PARPBP: variants seen among roughly 807,000 people sequenced by gnomAD.
The protein encoded by PARPBP is PARP1 binding protein.
A neutral mutation model predicts 50.0 loss-of-function variants in PARPBP; 52 were observed. That is an observed-to-expected ratio of 1.04 (90% CI 0.83 to 1.31). The LOEUF is 1.31. PARPBP is among the 50% of genes most tolerant of loss of function. The probability of loss-of-function intolerance (pLI) is 0.00; values close to 1 mark genes in which losing one functional copy is unlikely to be tolerated. For synonymous variants in PARPBP, 244 were observed against 232.1 expected, an observed-to-expected ratio of 1.05 and a Z score of -0.47; for missense variants, 697 against 672.0, an observed-to-expected ratio of 1.04 and a Z score of -0.41.
intron 9 of PARPBP, among the ~76,000 whole-genome samples, chr12:102,191,767 C>T (rs1359498294): frequency 6.6e-6 from 1 of 152,064 alleles, no homozygotes; most frequent in African/African-American, 2.4e-5. Context: ...AGAAATATTT[C>T]CAAAGGGAGG....
rs1007553757 is a variant in PARPBP at position 102,147,249 on chromosome 12, G to A, written c.154-981G>A. Among the ~76,000 whole-genome samples the A allele has an allele frequency of 7.9e-5, 12 of 152,228 alleles. No homozygotes were observed. In the East Asian group the frequency reaches 1.9e-3, roughly 25 times the overall value. ...CCAAGGGACTATAAATCATGCTGCTGTAAAGACACATGCACACATATGTTT... is the reference window on the plus strand; with the variant it reads ...CCAAGGGACTATAAATCATGCTGCTATAAAGACACATGCACACATATGTTT... On this transcript the variant is annotated intron_variant, in intron 2 of 10. Coordinates refer to ENST00000327680, the MANE Select transcript of PARPBP (RefSeq NM_017915.5).
intron 6 of PARPBP, among the ~76,000 whole-genome samples, chr12:102,172,686 T>G (rs962148191): frequency 6.6e-6 from 1 of 152,218 alleles, no homozygotes; most frequent in Admixed American, 6.5e-5. Flanking sequence ...TCTTTAAAAT[T>G]TAACATTTTT....
chr12:102,179,019 G>A (rs563777884), intron 8 of PARPBP, among the ~76,000 whole-genome samples: 1 of 152,176 alleles, frequency 6.6e-6, no homozygotes, highest in East Asian at 1.9e-4. Context: ...GTTTTGCTTT[G>A]AAAATATTTA....
intron 2 of PARPBP, among the ~76,000 whole-genome samples, chr12:102,133,729 C>A (rs1883200213): frequency 6.6e-6 from 1 of 151,938 alleles, no homozygotes; most frequent in African/African-American, 2.4e-5. Context: ...CAAGATAGAT[C>A]ATATGTTAGC....
At position 102,153,898 on chromosome 12, in the gene PARPBP, A is replaced by G. The variant is rs749293625; in HGVS notation, c.417A>G (p.Lys139=). 1.2e-6 allele frequency: 2 copies of G among 1,609,310 alleles called. No individual in the cohort carries two copies. Among genetic ancestry groups the G allele is most frequent in the East Asian group, 2.2e-5 (1 of 44,812 alleles). ...PSQLLDFLSG[K]QYAVGDETDL... is the part of the protein sequence containing the mutation. ...AACTACTGGATTTTCTGTCTGGCAAACAGTATGCAGTAGGTGATGAAACTG... is the reference window on the plus strand; with the variant it reads ...AACTACTGGATTTTCTGTCTGGCAAGCAGTATGCAGTAGGTGATGAAACTG... The change falls in exon 4 of 11, where the codon AAA becomes AAG. Residue 139 remains lysine, a synonymous_variant. Transcript: ENST00000327680.
At chr12:102,155,598 G>GC (rs998755573) in intron 4 of PARPBP, among the ~76,000 whole-genome samples, 10 of 125,354 alleles carry the variant, frequency 8.0e-5, no homozygotes, top group Non-Finnish European at 3.3e-5. Flanking sequence ...GCATGGTGGG[G>GC]GGGGGGGGCG....
At chr12:102,132,189 C>T (rs866231728) in intron 2 of PARPBP, among the ~76,000 whole-genome samples, 19 of 149,056 alleles carry the variant, frequency 1.3e-4, no homozygotes, top group Non-Finnish European at 2.2e-4. Flanking sequence ...TGGGGGATAG[C>T]GACAGAGCGA....
intron 2 of PARPBP, among the ~76,000 whole-genome samples, chr12:102,138,187 A>G (rs1015650722): frequency 1.1e-4 from 17 of 152,154 alleles, no homozygotes; most frequent in African/African-American, 4.1e-4. Context: ...ACTTTTTAAT[A>G]ATGGCCATTC....
rs1366316630 is a variant in PARPBP, at chr12:102,151,959, G to A, written c.388-1910G>A. On this transcript the variant is annotated intron_variant, in intron 3 of 10. Coordinates refer to ENST00000327680, the MANE Select transcript of PARPBP (RefSeq NM_017915.5). ...CGAAGTCCAGGCATCTCAGAGAAATGCTTTTTTTGTGTACCATGGTTACCA... is the reference window on the plus strand; with the variant it reads ...CGAAGTCCAGGCATCTCAGAGAAATACTTTTTTTGTGTACCATGGTTACCA... 4 of 602,854 alleles carry A rather than the reference G, an allele frequency of 6.6e-6. No individual in the cohort carries two copies. The Admixed American group carries it at 1.2e-4, about 18-fold the overall frequency. 37.3% of individuals were successfully genotyped at this position (602,854 alleles called of 1,614,324 possible).
At position 102,175,646 on chromosome 12, in the gene PARPBP, A is replaced by G. The variant is rs1889194879; in HGVS notation, c.985A>G (p.Thr329Ala). ...SQEGVVALSTTDISPARPKSH... is the reference protein window; with the variant it reads ...SQEGVVALSTADISPARPKSH... ...AGAAGGTGTTGTAGCTCTTAGCACCACTGACATCAGTCCTGCTCGGGTAAT... is the reference window on the plus strand; with the variant it reads ...AGAAGGTGTTGTAGCTCTTAGCACCGCTGACATCAGTCCTGCTCGGGTAAT... The change falls in exon 7 of 11, where the codon ACT (threonine) becomes GCT (alanine). Residue 329 changes from threonine (T) to alanine (A), a missense_variant. Coordinates refer to ENST00000327680, the MANE Select transcript of PARPBP (RefSeq NM_017915.5). The G allele has an allele frequency of 2.6e-5, 42 of 1,612,254 alleles. No individual in the cohort carries two copies. The highest frequency in any genetic ancestry group is 3.6e-5 in the Non-Finnish European group (42 of 1,178,462).
In PARPBP at chr12:102,158,441, G is replaced by A. The variant is rs189097816; in HGVS notation, c.495+4465G>A. 2.6e-5 allele frequency among the ~76,000 whole-genome samples: 4 copies of A among 152,288 alleles called. No homozygotes were observed. The East Asian group carries it at 7.7e-4, about 29-fold the overall frequency. ...AATCTTTGATGCTAAAATAGAGGAA[G>A]CTGCTTCAAGCAGGTTTTTGTGTCT... On this transcript the variant is annotated intron_variant, in intron 4 of 10. Transcript: ENST00000327680.
chr12:102,182,480 G>A (rs773853251), intron 8 of PARPBP, 69 bp from the exon 9 acceptor site: 100 of 1,087,260 alleles, frequency 9.2e-5, no homozygotes, highest in Middle Eastern at 2.1e-4. Context: ...AAGTTTCAAC[G>A]TGAATTTGGA....
chr12:102,146,203 T>C (rs1030698504), intron 2 of PARPBP, among the ~76,000 whole-genome samples: 1 of 152,090 alleles, frequency 6.6e-6, no homozygotes, highest in African/African-American at 2.4e-5. Context: ...TTCACAGAAT[T>C]GGAAAAAAAT....
chr12:102,192,937 A>AG (rs149951354), intron 9 of PARPBP, among the ~76,000 whole-genome samples: 4,124 of 151,792 alleles, frequency 0.027, 183 homozygotes, highest in African/African-American at 0.095. Context: ...CAATATACAA[A>AG]GGGGGGGAGT....
At chr12:102,164,046 A>C (rs1053079269) in intron 4 of PARPBP, among the ~76,000 whole-genome samples, 1 of 151,738 alleles carries the variant, frequency 6.6e-6, no homozygotes, top group Non-Finnish European at 1.5e-5. Flanking sequence ...TTTTATAACA[A>C]CTCTGGATTC....
At chr12:102,172,990 A>G (rs1254381205) in intron 6 of PARPBP, among the ~76,000 whole-genome samples, 1 of 152,240 alleles carries the variant, frequency 6.6e-6, no homozygotes, top group African/African-American at 2.4e-5. Flanking sequence ...AGTATGGCAG[A>G]CTAGGCCCCC....
chr12:102,193,001 G>A (rs946559521), intron 9 of PARPBP, among the ~76,000 whole-genome samples: 2 of 151,238 alleles, frequency 1.3e-5, no homozygotes, highest in African/African-American at 2.4e-5. Context: ...TATTTTTCAT[G>A]GTAGAGAAAG....
intron 4 of PARPBP, among the ~76,000 whole-genome samples, chr12:102,155,448 A>C (rs1022127734): frequency 6.6e-6 from 1 of 152,056 alleles, no homozygotes; most frequent in East Asian, 1.9e-4. Flanking sequence ...CTAGCTGGGA[A>C]GGTGACCGCA....
At position 102,195,970 on chromosome 12, in the gene PARPBP, TG is replaced by T. The variant is rs759689003; in HGVS notation, c.1421del (p.Gly474GlufsTer78). 1 of 1,602,832 alleles carries T rather than the reference TG, an allele frequency of 6.2e-7. No individual in the cohort carries two copies. The highest frequency in any genetic ancestry group is 2.2e-5 in the East Asian group (1 of 44,710). ...TAACAGAGGGTGTAAATCCATCTGT[TG>T]GAAGATCAACAATTGGAACGAGTTT... ...DLSEGVNPSVGRSTIGTSFGN... is the reference protein window; with the variant it reads ...DLSEGVNPSVXRSTIGTSFGN... On this transcript the variant is annotated frameshift_variant, in exon 11 of 11. Coordinates refer to ENST00000327680, the MANE Select transcript of PARPBP (RefSeq NM_017915.5). LOFTEE classifies it low-confidence loss of function (END_TRUNC).
Sources: allele counts gnomAD v4.1 joint callset (sites outside exome capture counted in the v4.1 genomes callset), GRCh38; gene constraint gnomAD v4.1.1; transcripts MANE v1.5; gene names NCBI Gene and HGNC (gene_info 2026-07-23, HGNC 2026-07-21).